Variants in PCDHGA5 observed in about 807,000 individuals in gnomAD.
The protein encoded by PCDHGA5 is protocadherin gamma subfamily A, 5.
In PCDHGA5, 36 loss-of-function variants were observed where a neutral mutation model predicts 56.7. The observed-to-expected ratio is 0.64, with a 90% CI of 0.49 to 0.84. The LOEUF (loss-of-function observed/expected upper bound fraction) is 0.84. Ranked by LOEUF, PCDHGA5 falls within the 40% of genes least tolerant of loss-of-function variation. The pLI, the probability that PCDHGA5 is intolerant of heterozygous loss-of-function variation, is 0.00. For synonymous variants in PCDHGA5, 563 were observed against 520.2 expected, an observed-to-expected ratio of 1.08 and a Z score of -1.12; for missense variants, 1,305 against 1,201.5, an observed-to-expected ratio of 1.09 and a Z score of -1.27.
intron 1 of PCDHGA5, chr5:141,374,195 G>T (rs1770254935): frequency 1.2e-6 from 2 of 1,613,752 alleles, no homozygotes; most frequent in East Asian, 2.2e-5. Context: ...TATTCCCGAG[G>T]AGCTGGAGAA....
At chr5:141,492,385 G>A (rs1224771842) in intron 1 of PCDHGA5, among the ~76,000 whole-genome samples, 1 of 152,208 alleles carries the variant, frequency 6.6e-6, no homozygotes, top group Non-Finnish European at 1.5e-5. Context: ...GGCCTGTTCC[G>A]GTCCACTCGC....
At chr5:141,400,250 C>T (rs2093990136) in intron 1 of PCDHGA5, 1 of 1,614,066 alleles carries the variant, frequency 6.2e-7, no homozygotes, top group Non-Finnish European at 8.5e-7. Flanking sequence ...CTGGCCGTTG[C>T]CTTGCGCCTG....
rs1160304959 is a variant in PCDHGA5, at chr5:141,490,969, C to A, written c.2422-3838C>A. On this transcript the variant is annotated intron_variant, in intron 1 of 3. Coordinates refer to ENST00000518069, the MANE Select transcript of PCDHGA5 (RefSeq NM_018918.3). This position sits in a 1 kb window ranked among gnomAD's most constrained non-coding sequence, Gnocchi z 5.4. ...GCCAGACTGGGAACACTCAGCCCCC[C>A]AGCGTCTCCCTCGCTCTGCTCCTCC... The A allele has an allele frequency of 2.5e-6, 4 of 1,613,820 alleles. No individual in the cohort carries two copies. In the African/African-American group the frequency reaches 4.0e-5, roughly 16 times the overall value.
At chr5:141,377,297 C>T (rs566234622) in intron 1 of PCDHGA5, 1 of 151,972 alleles carries the variant, frequency 6.6e-6, no homozygotes, top group Non-Finnish European at 1.5e-5. Context: ...TAATTTAGGT[C>T]AGTGTTAAAG....
intron 1 of PCDHGA5, chr5:141,378,176 C>A (rs541529562): frequency 6.6e-6 from 1 of 152,124 alleles, no homozygotes; most frequent in South Asian, 2.1e-4. Context: ...AACTAAGCAC[C>A]GATGCTGTGT....
At chr5:141,427,940 C>T (rs1391166364) in intron 1 of PCDHGA5, 1 of 1,585,904 alleles carries the variant, frequency 6.3e-7, no homozygotes. Context: ...TGGTGGGCGA[C>T]CTCAATGACA....
chr5:141,439,115 C>A (rs2098087976), intron 1 of PCDHGA5, among the ~76,000 whole-genome samples: 1 of 151,476 alleles, frequency 6.6e-6, no homozygotes, highest in Non-Finnish European at 1.5e-5. Context: ...ATCACTTGAA[C>A]CCGGGAGACA....
chr5:141,443,029 C>A (rs1281303741), intron 1 of PCDHGA5, among the ~76,000 whole-genome samples: 1 of 152,192 alleles, frequency 6.6e-6, no homozygotes, highest in Admixed American at 6.5e-5. Flanking sequence ...AGTTGCCAGA[C>A]CTAAACTTTG....
intron 1 of PCDHGA5, chr5:141,421,951 A>G: frequency 6.2e-7 from 1 of 1,612,854 alleles, no homozygotes; most frequent in Non-Finnish European, 8.5e-7. Flanking sequence ...TCACATCCCA[A>G]TGTTTACACA....
At chr5:141,393,326 G>C (rs2092729554) in intron 1 of PCDHGA5, 2 of 1,611,218 alleles carry the variant, frequency 1.2e-6, no homozygotes, top group Non-Finnish European at 1.7e-6. Context: ...AGAGCTACCA[G>C]CTCAGCCCCA....
In PCDHGA5 at chr5:141,371,266, T is replaced by C; in HGVS notation, c.2421+4515T>C. ...AATATTGGCAAGGAAGTGAGACAACTGTTCAAGCTGGACAGTAAAACGGGG... is the reference window on the plus strand; with the variant it reads ...AATATTGGCAAGGAAGTGAGACAACCGTTCAAGCTGGACAGTAAAACGGGG... On this transcript the variant is annotated intron_variant, in intron 1 of 3. Transcript: ENST00000518069. 6.2e-7 allele frequency: 1 copy of C among 1,614,030 alleles called. No individual in the cohort carries two copies. Among genetic ancestry groups the C allele is most frequent in the East Asian group, 2.2e-5 (1 of 44,884 alleles).
intron 1 of PCDHGA5, 41 bp from the exon 2 acceptor site, chr5:141,494,766 C>T (rs1017994327): frequency 6.2e-7 from 1 of 1,614,038 alleles, no homozygotes; most frequent in Non-Finnish European, 8.5e-7. Flanking sequence ...ATTCTAACTT[C>T]TCACGGGTAC....
At chr5:141,423,761 TG>T in intron 1 of PCDHGA5, 1 of 156,420 alleles carries the variant, frequency 6.4e-6, no homozygotes, top group Non-Finnish European at 9.2e-6. Context: ...GGGGGGGGGG[TG>T]GGGCGGCATA....
intron 3 of PCDHGA5, among the ~76,000 whole-genome samples, chr5:141,508,989 G>A (rs900798347): frequency 1.3e-5 from 2 of 152,110 alleles, no homozygotes; most frequent in Non-Finnish European, 2.9e-5. Flanking sequence ...GGGGCCAGCT[G>A]GGGTAGGAGA....
intron 2 of PCDHGA5, 143 bp from the exon 3 acceptor site, chr5:141,505,250 T>C: frequency 2.8e-6 from 4 of 1,439,476 alleles, no homozygotes; most frequent in Non-Finnish European, 9.3e-7. Flanking sequence ...ATTGTAGAAG[T>C]GCCTCCTACC....
rs149319740 is a variant in PCDHGA5, at chr5:141,378,591, G to A, written c.2421+11840G>A. The stretch of plus-strand genomic sequence containing the variant: ...TTTTAAAACATGCTCGGTAGTGTCT[G>A]CTTACAGGACATATCTCTAAAAATA... On this transcript the variant is annotated intron_variant, in intron 1 of 3. Transcript: ENST00000518069. 4.1e-4 allele frequency: 63 copies of A among 152,298 alleles called. 1 individual carries two copies. Among genetic ancestry groups the A allele is most frequent in the African/African-American group, 1.4e-3 (60 of 41,574 alleles). The allele number at this position is 152,298 out of a possible 1,614,324, so 9.4% of individuals were successfully genotyped here.
chr5:141,448,135 TA>T (rs2098567569), intron 1 of PCDHGA5, among the ~76,000 whole-genome samples: 1 of 151,880 alleles, frequency 6.6e-6, no homozygotes, highest in South Asian at 2.1e-4. Flanking sequence ...CCACCCTCAC[TA>T]TACCTCAGAC....
intron 1 of PCDHGA5, chr5:141,398,616 C>T (rs922729367): frequency 6.2e-7 from 1 of 1,614,020 alleles, no homozygotes; most frequent in Non-Finnish European, 8.5e-7. Flanking sequence ...CAGATATTGG[C>T]TTAAACTCTC....
rs187495695 is a variant in PCDHGA5, at chr5:141,486,508, T to G, written c.2422-8299T>G. The G allele has an allele frequency of 9.3e-6, 15 of 1,614,172 alleles. No homozygotes were observed. In the Admixed American group the frequency reaches 2.5e-4, roughly 27 times the overall value. The stretch of plus-strand genomic sequence containing the variant: ...CCCACAGAACTATTTTCCTCAATAT[T>G]TCAGATGTGAATGATAATCCACCCT... On this transcript the variant is annotated intron_variant, in intron 1 of 3. Coordinates refer to ENST00000518069, the MANE Select transcript of PCDHGA5 (RefSeq NM_018918.3). The surrounding 1 kb of genome is among the most constrained non-coding windows in gnomAD (Gnocchi z 5.0).
Sources: allele counts gnomAD v4.1 joint callset (sites outside exome capture counted in the v4.1 genomes callset), GRCh38; gene constraint gnomAD v4.1.1; non-coding constraint Gnocchi (gnomAD v3.1); transcripts MANE v1.5; gene names NCBI Gene and HGNC (gene_info 2026-07-23, HGNC 2026-07-21).